PTPRK: variants seen among roughly 807,000 people sequenced by gnomAD.
The protein encoded by PTPRK is receptor-type tyrosine-protein phosphatase kappa.
PTPRK carries 75 observed loss-of-function variants against 178.0 expected under a neutral mutation model. The observed-to-expected ratio is 0.42, with a 90% CI of 0.35 to 0.51. The LOEUF (loss-of-function observed/expected upper bound fraction) is 0.51, where lower values mean the gene tolerates loss of function less well. Among genes scored for constraint, PTPRK ranks in the 20% least tolerant of loss-of-function variants. PTPRK has a pLI of 0.02. For missense variants in PTPRK, 1,441 were observed against 1,797.8 expected (o/e 0.80, Z 3.59); for synonymous variants, 637 against 620.6 (o/e 1.03, Z -0.39).
chr6:128,223,205 G>T (rs1048569634), intron 5 of PTPRK, among the ~76,000 whole-genome samples: 1 of 150,364 alleles, frequency 6.7e-6, no homozygotes. Context: ...TTTATTTAGC[G>T]GGTGGCTCAA....
At chr6:128,268,053 T>G (rs1819227443) in intron 3 of PTPRK, among the ~76,000 whole-genome samples, 1 of 152,014 alleles carries the variant, frequency 6.6e-6, no homozygotes, top group South Asian at 2.1e-4. Flanking sequence ...AAAAATTATA[T>G]TATTCTTCTC....
intron 13 of PTPRK, among the ~76,000 whole-genome samples, chr6:128,034,849 A>C (rs979586575): frequency 2.0e-5 from 3 of 152,198 alleles, no homozygotes; most frequent in African/African-American, 7.2e-5. Context: ...TGAAATGTTT[A>C]AACTGAAAAG....
chr6:128,019,134 C>CA (rs1274200758), intron 13 of PTPRK, among the ~76,000 whole-genome samples: 1 of 151,982 alleles, frequency 6.6e-6, no homozygotes, highest in Admixed American at 6.6e-5. Flanking sequence ...AATCATTCAA[C>CA]AAAAAAAGTC....
At chr6:128,149,466 G>A (rs1381663013) in intron 7 of PTPRK, among the ~76,000 whole-genome samples, 1 of 152,040 alleles carries the variant, frequency 6.6e-6, no homozygotes, top group East Asian at 1.9e-4. Flanking sequence ...TTGTTATATT[G>A]CAGTCACAAT....
intron 7 of PTPRK, among the ~76,000 whole-genome samples, chr6:128,132,476 CTG>C (rs1361943754): frequency 6.6e-6 from 1 of 152,234 alleles, no homozygotes; most frequent in Admixed American, 6.5e-5. Context: ...CCAGCCCAGG[CTG>C]TGTGTTTTAA....
chr6:128,396,705 A>G (rs1156738001), intron 2 of PTPRK, among the ~76,000 whole-genome samples: 1 of 152,160 alleles, frequency 6.6e-6, no homozygotes, highest in Non-Finnish European at 1.5e-5. Context: ...AAGTAAGGTA[A>G]AAAACGAAAA....
At chr6:128,366,349 G>C (rs1464891155) in intron 2 of PTPRK, among the ~76,000 whole-genome samples, 4 of 152,092 alleles carry the variant, frequency 2.6e-5, no homozygotes, top group African/African-American at 4.8e-5. Context: ...CTAAATGAAA[G>C]AATGTACATA....
At chr6:128,185,284 T>C (rs930616795) in intron 6 of PTPRK, among the ~76,000 whole-genome samples, 2 of 152,134 alleles carry the variant, frequency 1.3e-5, no homozygotes, top group Non-Finnish European at 2.9e-5. Context: ...TAAACATCAC[T>C]GGTCTTTGGG....
rs202171859 is a variant in PTPRK, at chr6:128,194,102, A to ATTATTATTATTATTT, written c.869-9378_869-9377insAAATAATAATAATAA. Among the ~76,000 whole-genome samples, 11 of 145,612 alleles carry ATTATTATTATTATTT rather than the reference A, an allele frequency of 7.6e-5. No individual in the cohort carries two copies. The East Asian group carries it at 1.2e-3, about 16-fold the overall frequency. On this transcript the variant is annotated intron_variant, in intron 6 of 29. Transcript: ENST00000368226. The stretch of plus-strand genomic sequence containing the variant: ...TATTATTATTATTATTATTATTATT[A>ATTATTATTATTATTT]GGAAACGGAGTCTTGCTCTGTTGCC...
At chr6:128,150,946 A>T (rs1679574086) in intron 7 of PTPRK, among the ~76,000 whole-genome samples, 1 of 152,160 alleles carries the variant, frequency 6.6e-6, no homozygotes, top group African/African-American at 2.4e-5. Flanking sequence ...ATTATGGTTT[A>T]AAATGTCAGT....
intron 7 of PTPRK, among the ~76,000 whole-genome samples, chr6:128,151,749 A>G (rs1313838892): frequency 6.6e-6 from 1 of 152,192 alleles, no homozygotes; most frequent in East Asian, 1.9e-4. Flanking sequence ...CAAACTTCTA[A>G]AAAAGAAGTT....
intron 29 of PTPRK, among the ~76,000 whole-genome samples, chr6:127,971,327 G>A (rs555150070): frequency 6.6e-6 from 1 of 152,114 alleles, no homozygotes; most frequent in East Asian, 1.9e-4. Flanking sequence ...CTGGAGAACA[G>A]TCTAAAATGC....
chr6:128,518,897 A>T (rs1341823849), intron 1 of PTPRK: 5 of 441,642 alleles, frequency 1.1e-5, no homozygotes, highest in African/African-American at 1.0e-4. Context: ...CGGGGGTAGG[A>T]GAGCAATGGA....
chr6:128,141,436 T>C (rs1160358010), intron 7 of PTPRK, among the ~76,000 whole-genome samples: 1 of 151,936 alleles, frequency 6.6e-6, no homozygotes, highest in African/African-American at 2.4e-5. Flanking sequence ...AAATAAGCTC[T>C]TCTAAAAGAC....
At chr6:128,234,811 C>T (rs1812930295) in intron 5 of PTPRK, among the ~76,000 whole-genome samples, 1 of 152,114 alleles carries the variant, frequency 6.6e-6, no homozygotes, top group African/African-American at 2.4e-5. Flanking sequence ...TTTGTGGGCA[C>T]ATGTCTTAAT....
At chr6:128,436,890 CA>C (rs1178906523) in intron 1 of PTPRK, among the ~76,000 whole-genome samples, 2 of 152,160 alleles carry the variant, frequency 1.3e-5, no homozygotes, top group African/African-American at 4.8e-5. Flanking sequence ...CTCAGTTACG[CA>C]GGATGAATAA....
intron 11 of PTPRK, among the ~76,000 whole-genome samples, chr6:128,074,247 G>T (rs896053575): frequency 6.6e-6 from 1 of 151,940 alleles, no homozygotes; most frequent in Admixed American, 6.6e-5. Context: ...CGCAAAATGG[G>T]TAGAGTTTCT....
At chr6:128,081,046 T>C (rs867519741) in intron 10 of PTPRK, among the ~76,000 whole-genome samples, 4 of 152,000 alleles carry the variant, frequency 2.6e-5, no homozygotes, top group Admixed American at 6.6e-5. Context: ...TTTATGGCTC[T>C]CAAAAATTTA....
intron 1 of PTPRK, among the ~76,000 whole-genome samples, chr6:128,425,928 A>C (rs1844077894): frequency 6.6e-6 from 1 of 152,238 alleles, no homozygotes; most frequent in Non-Finnish European, 1.5e-5. Context: ...TTCATAATTA[A>C]ATAAACTAGC....
Sources: gnomAD v4.1 joint callset for allele counts (sites outside exome capture counted in the v4.1 genomes callset) on GRCh38, gnomAD v4.1.1 for gene constraint, MANE v1.5 for transcripts, NCBI Gene and HGNC (gene_info 2026-07-23, HGNC 2026-07-21) for gene names.